The following NRXN1 variants were observed in gnomAD, a reference collection of about 807,000 sequenced individuals.
NRXN1 encodes the protein neurexin 1.
A neutral mutation model predicts 150.9 loss-of-function variants in NRXN1; 39 were observed. That is an observed-to-expected ratio of 0.26 (90% CI 0.20 to 0.34). The LOEUF is 0.34. Ranked by LOEUF, NRXN1 falls within the 10% of genes least tolerant of loss-of-function variation. NRXN1 has a pLI of 1.00. For synonymous variants in NRXN1, 924 were observed against 757.0 expected (o/e 1.22, Z -3.62); for missense variants, 1,815 against 1,949.9 (o/e 0.93, Z 1.30).
intron 17 of NRXN1, among the ~76,000 whole-genome samples, chr2:50,270,615 G>A (rs535057131): frequency 2.0e-5 from 3 of 151,522 alleles, no homozygotes; most frequent in South Asian, 2.1e-4. Context: ...TATCGACACC[G>A]TGAAAGTATA....
At chr2:50,689,727 T>C (rs549956829) in intron 5 of NRXN1, among the ~76,000 whole-genome samples, 2 of 152,216 alleles carry the variant, frequency 1.3e-5, no homozygotes, top group Non-Finnish European at 2.9e-5. Flanking sequence ...ACAAATTATA[T>C]TTAAGACTGT....
intron 12 of NRXN1, among the ~76,000 whole-genome samples, chr2:50,528,242 T>TTC (rs2093008144): frequency 3.2e-4 from 1 of 3,124 alleles, no homozygotes; most frequent in Admixed American, 1.2e-3. Context: ...GAATTAAGTA[T>TTC]TTTTTTTTGT....
chr2:50,051,956 AT>A (rs1311943024), intron 21 of NRXN1, among the ~76,000 whole-genome samples: 31 of 152,080 alleles, frequency 2.0e-4, no homozygotes, highest in African/African-American at 7.2e-4. Context: ...TGTAGGTACA[AT>A]ATATCCAACA....
At chr2:50,080,733 G>A (rs1486937887) in intron 19 of NRXN1, among the ~76,000 whole-genome samples, 1 of 152,096 alleles carries the variant, frequency 6.6e-6, no homozygotes, top group Admixed American at 6.5e-5. Context: ...TAAACTGGAA[G>A]TACAAAAGTT....
intron 5 of NRXN1, among the ~76,000 whole-genome samples, chr2:50,895,242 C>T (rs1681741395): frequency 6.6e-6 from 1 of 151,524 alleles, no homozygotes; most frequent in Non-Finnish European, 1.5e-5. Context: ...AACAATGAGC[C>T]ATTTTATGAG....
chr2:50,981,504 A>G (rs1019356545), intron 2 of NRXN1, among the ~76,000 whole-genome samples: 1 of 151,216 alleles, frequency 6.6e-6, no homozygotes, highest in African/African-American at 2.4e-5. Flanking sequence ...AAACATAGAA[A>G]CATACCCAAC....
intron 5 of NRXN1, among the ~76,000 whole-genome samples, chr2:50,835,153 T>C (rs979592749): frequency 1.3e-5 from 2 of 152,162 alleles, no homozygotes; most frequent in African/African-American, 4.8e-5. Flanking sequence ...TTCCCTGTAA[T>C]TTCTGTAATT....
intron 17 of NRXN1, among the ~76,000 whole-genome samples, chr2:50,388,430 C>A (rs2081469155): frequency 6.6e-6 from 1 of 152,146 alleles, no homozygotes; most frequent in Non-Finnish European, 1.5e-5. Flanking sequence ...CACTGAGAAT[C>A]CAGTACATGT....
rs549563726 is a variant in NRXN1 at position 50,709,273 on chromosome 2, C to T, written c.833-85658G>A. Reference sequence around the variant, plus strand: ...GCTTGCTAGGTACTGAGATGAAACCCGGAACCATACATTGACTCTATCTTT... The same window carrying T: ...GCTTGCTAGGTACTGAGATGAAACCTGGAACCATACATTGACTCTATCTTT... On this transcript the variant is annotated intron_variant, in intron 5 of 22. Transcript: ENST00000401669. Among the ~76,000 whole-genome samples the T allele has an allele frequency of 7.2e-5, 11 of 152,162 alleles. 1 individual carries two copies. In the South Asian group the frequency reaches 2.1e-3, roughly 29 times the overall value.
At chr2:50,660,139 A>G (rs1687082036) in intron 5 of NRXN1, among the ~76,000 whole-genome samples, 1 of 152,054 alleles carries the variant, frequency 6.6e-6, no homozygotes, top group African/African-American at 2.4e-5. Flanking sequence ...ACTGTGCCAG[A>G]CATTATAGTA....
intron 13 of NRXN1, among the ~76,000 whole-genome samples, chr2:50,499,031 T>C (rs2091802269): frequency 6.6e-6 from 1 of 152,234 alleles, no homozygotes; most frequent in Non-Finnish European, 1.5e-5. Context: ...ACCACCTATG[T>C]GTGTCCCCTT....
chr2:50,389,622 AC>A (rs1235972848), intron 17 of NRXN1, among the ~76,000 whole-genome samples: 1 of 151,904 alleles, frequency 6.6e-6, no homozygotes, highest in Non-Finnish European at 1.5e-5. Flanking sequence ...CAGTTCCCAA[AC>A]TACATTAGGT....
intron 18 of NRXN1, among the ~76,000 whole-genome samples, chr2:50,143,516 T>C (rs1015339567): frequency 1.8e-4 from 27 of 152,034 alleles, no homozygotes; most frequent in African/African-American, 6.5e-4. Flanking sequence ...AGGGAAACGA[T>C]ATGTAACTTT....
chr2:50,747,187 A>C (rs1700124675), intron 5 of NRXN1, among the ~76,000 whole-genome samples: 1 of 152,126 alleles, frequency 6.6e-6, no homozygotes, highest in Non-Finnish European at 1.5e-5. Context: ...AAAAATCAGA[A>C]AGATGGCCAC....
At chr2:50,496,179 T>C (rs771385802) in intron 14 of NRXN1, 84 bp from the exon 15 acceptor site, 52 of 1,070,538 alleles carry the variant, frequency 4.9e-5, no homozygotes, top group Non-Finnish European at 6.9e-5. Context: ...ATGGAGATTT[T>C]TTTTCAGGTG....
At chr2:50,355,447 C>A (rs1001305170) in intron 17 of NRXN1, among the ~76,000 whole-genome samples, 4 of 151,924 alleles carry the variant, frequency 2.6e-5, no homozygotes, top group Non-Finnish European at 4.4e-5. Flanking sequence ...AAATGTGCCT[C>A]CATGCCTCTT....
intron 18 of NRXN1, among the ~76,000 whole-genome samples, chr2:50,163,287 T>G (rs2152789901): frequency 6.6e-6 from 1 of 151,910 alleles, no homozygotes; most frequent in South Asian, 2.1e-4. Flanking sequence ...CGGTTGAAGG[T>G]AACTGCTTCA....
intron 18 of NRXN1, among the ~76,000 whole-genome samples, chr2:50,215,619 A>T (rs1040704749): frequency 1.3e-5 from 2 of 152,088 alleles, no homozygotes; most frequent in Non-Finnish European, 2.9e-5. Flanking sequence ...AAATATGCAC[A>T]GTAAAAAGAA....
intron 17 of NRXN1, among the ~76,000 whole-genome samples, chr2:50,397,330 C>T (rs1172488732): frequency 3.9e-5 from 6 of 152,084 alleles, no homozygotes; most frequent in Non-Finnish European, 7.4e-5. Context: ...CTGACTTAGC[C>T]TTCCCTAAAG....
Sources: gnomAD v4.1 joint callset for allele counts (sites outside exome capture counted in the v4.1 genomes callset) on GRCh38, gnomAD v4.1.1 for gene constraint, MANE v1.5 for transcripts, NCBI Gene and HGNC (gene_info 2026-07-23, HGNC 2026-07-21) for gene names.